The following DTL variants were observed in gnomAD, a reference collection of about 807,000 sequenced individuals.
The protein encoded by DTL is denticleless E3 ubiquitin protein ligase adapter.
DTL carries 46 observed loss-of-function variants against 87.0 expected under a neutral mutation model. That is an observed-to-expected ratio of 0.53 (90% CI 0.42 to 0.68). The LOEUF (loss-of-function observed/expected upper bound fraction) is 0.68. Among genes scored for constraint, DTL ranks in the 30% least tolerant of loss-of-function variants. DTL has a pLI of 0.00. For missense variants in DTL, 737 were observed against 869.4 expected, an observed-to-expected ratio of 0.85 and a Z score of 1.91; for synonymous variants, 308 against 311.2, an observed-to-expected ratio of 0.99 and a Z score of 0.11.
chr1:212,092,346 C>G (rs1655308189), intron 13 of DTL, among the ~76,000 whole-genome samples: 1 of 152,030 alleles, frequency 6.6e-6, no homozygotes. Flanking sequence ...ACCAGCCTGG[C>G]CAACATAGTA....
At chr1:212,091,886 A>AT (rs1655293807) in intron 13 of DTL, among the ~76,000 whole-genome samples, 1 of 152,256 alleles carries the variant, frequency 6.6e-6, no homozygotes, top group South Asian at 2.1e-4. Context: ...AAAACATCAC[A>AT]TTATAGCCTA....
chr1:212,061,535 G>T (rs1446149281), intron 5 of DTL, among the ~76,000 whole-genome samples: 1 of 151,030 alleles, frequency 6.6e-6, no homozygotes, highest in East Asian at 1.9e-4. Flanking sequence ...CATTGATCTA[G>T]CAGTCTCATT....
intron 1 of DTL, among the ~76,000 whole-genome samples, chr1:212,036,975 A>G (rs1396834608): frequency 6.6e-6 from 1 of 152,230 alleles, no homozygotes; most frequent in Non-Finnish European, 1.5e-5. Context: ...CTGAAACTTT[A>G]TACCATCCTT....
intron 10 of DTL, 36 bp downstream of exon 10, chr1:212,068,739 A>C (rs371319229): frequency 7.3e-7 from 1 of 1,372,166 alleles, no homozygotes; most frequent in South Asian, 1.2e-5. Flanking sequence ...CTTACCAGGA[A>C]AGCATTATGG....
chr1:212,064,865 T>C (rs1281159063), intron 6 of DTL, 52 bp from the exon 7 acceptor site: 6 of 1,387,404 alleles, frequency 4.3e-6, no homozygotes, highest in Non-Finnish European at 1.0e-6. Flanking sequence ...ACACATGTTA[T>C]ATTCAGCATG....
chr1:212,078,064 C>T, intron 11 of DTL, 109 bp from the exon 12 acceptor site: 2 of 588,996 alleles, frequency 3.4e-6, no homozygotes, highest in Non-Finnish European at 6.1e-6. Context: ...GGTCTAGTGG[C>T]CTTTGGTAAC....
intron 11 of DTL, among the ~76,000 whole-genome samples, chr1:212,073,327 A>G (rs1654731589): frequency 1.3e-5 from 2 of 152,222 alleles, no homozygotes; most frequent in Non-Finnish European, 2.9e-5. Context: ...GTAACTTCAT[A>G]AATGTCTTTG....
intron 1 of DTL, among the ~76,000 whole-genome samples, chr1:212,042,128 T>A (rs529350520): frequency 6.6e-6 from 1 of 152,354 alleles, no homozygotes; most frequent in South Asian, 2.1e-4. Context: ...ATTGAACATT[T>A]GGTTTTCAGT....
At chr1:212,072,332 T>C in intron 11 of DTL, 119 bp downstream of exon 11, 1 of 761,090 alleles carries the variant, frequency 1.3e-6, no homozygotes, top group Non-Finnish European at 2.2e-6. Flanking sequence ...GCATCAGATA[T>C]TTAGTAAAGG....
intron 5 of DTL, among the ~76,000 whole-genome samples, chr1:212,060,302 A>T (rs1293973822): frequency 2.0e-5 from 3 of 152,228 alleles, no homozygotes; most frequent in African/African-American, 7.2e-5. Flanking sequence ...AACAGAATAG[A>T]GAATTCAGAA....
At chr1:212,061,591 G>A (rs1374218262) in intron 5 of DTL, among the ~76,000 whole-genome samples, 2 of 151,888 alleles carry the variant, frequency 1.3e-5, no homozygotes, top group Non-Finnish European at 2.9e-5. Context: ...AGGAATAACT[G>A]CAGTCACATT....
intron 11 of DTL, among the ~76,000 whole-genome samples, chr1:212,076,296 A>G (rs1449600260): frequency 2.0e-5 from 3 of 152,036 alleles, no homozygotes; most frequent in African/African-American, 7.2e-5. Context: ...ACTTCCCCCC[A>G]CTTTTAATGC....
chr1:212,043,235 G>A (rs141062063), intron 2 of DTL, 117 bp downstream of exon 2: 21 of 1,069,104 alleles, frequency 2.0e-5, no homozygotes, highest in Non-Finnish European at 2.2e-5. Flanking sequence ...GGATGTTAGA[G>A]TTTTTGTAAA....
chr1:212,036,785 C>A (rs1667480892), intron 1 of DTL, among the ~76,000 whole-genome samples: 1 of 152,162 alleles, frequency 6.6e-6, no homozygotes, highest in Non-Finnish European at 1.5e-5. Context: ...CCCAGATTAA[C>A]CTTGGACAGA....
chr1:212,103,818 T>A lies in DTL; in HGVS notation c.*878T>A, dbSNP rs1459324109. On this transcript the variant is annotated 3_prime_UTR_variant, in exon 15 of 15. Coordinates refer to ENST00000366991, the MANE Select transcript of DTL (RefSeq NM_016448.4). ...CAGTTCTTTAGGGGCTGCAATGTTT[T>A]AAAAAAAATAAGTCATCAGATTTTA... is the stretch of plus-strand genomic sequence containing the variant. 1 of 151,980 alleles carries A rather than the reference T, an allele frequency of 6.6e-6. No homozygotes were observed. The highest frequency in any genetic ancestry group is 1.5e-5 in the Non-Finnish European group (1 of 67,974). 9.4% of individuals were successfully genotyped at this position (151,980 alleles called of 1,614,324 possible).
chr1:212,093,556 G>C (rs557205183), intron 13 of DTL, among the ~76,000 whole-genome samples: 1 of 152,358 alleles, frequency 6.6e-6, no homozygotes, highest in Admixed American at 6.5e-5. Context: ...GGCGGCCCCA[G>C]TTCTCCTCCG....
intron 1 of DTL, among the ~76,000 whole-genome samples, chr1:212,039,139 CAT>C (rs1201248948): frequency 2.0e-5 from 3 of 152,154 alleles, no homozygotes; most frequent in Non-Finnish European, 4.4e-5. Flanking sequence ...TGTTTTCTGT[CAT>C]AAGCCTCCAA....
In DTL at chr1:212,101,033, A is replaced by G. The variant is rs34070048; in HGVS notation, c.2043A>G (p.Ser681=). Residue 681 remains serine, a synonymous_variant, in exon 14 of 15, where the codon TCA becomes TCG. Coordinates refer to ENST00000366991, the MANE Select transcript of DTL (RefSeq NM_016448.4). ...KAENPSPRSP[S]SQTPNSRRQS... is the part of the protein sequence containing the mutation. The stretch of plus-strand genomic sequence containing the variant: ...AGAATCCATCTCCACGAAGTCCGTC[A>G]TCCCAGACACCCAATTCCAGGAGAC... 1,462 of 1,613,814 alleles carry G rather than the reference A, an allele frequency of 9.1e-4. 12 individuals are homozygous for G. In the African/African-American group the frequency reaches 0.018, roughly 20 times the overall value.
chr1:212,049,713 G>A (rs1005228539), intron 5 of DTL, among the ~76,000 whole-genome samples: 4 of 152,186 alleles, frequency 2.6e-5, no homozygotes, highest in Non-Finnish European at 5.9e-5. Flanking sequence ...CTCTTGCAGG[G>A]CAAACCTTTG....
Sources: allele counts gnomAD v4.1 joint callset (sites outside exome capture counted in the v4.1 genomes callset), GRCh38; gene constraint gnomAD v4.1.1; transcripts MANE v1.5; gene names NCBI Gene and HGNC (gene_info 2026-07-23, HGNC 2026-07-21).